NFIA: variants seen among roughly 807,000 people sequenced by gnomAD.
NFIA encodes nuclear factor 1 A-type.
In NFIA, 8 loss-of-function variants were observed where a neutral mutation model predicts 62.8. That is an observed-to-expected ratio of 0.13 (90% CI 0.07 to 0.23). NFIA has a LOEUF of 0.23. NFIA is among the 10% of genes least tolerant of loss of function. NFIA has a pLI of 1.00. For missense variants in NFIA, 410 were observed against 642.1 expected, an observed-to-expected ratio of 0.64 and a Z score of 3.91; for synonymous variants, 235 against 238.1, an observed-to-expected ratio of 0.99 and a Z score of 0.12.
rs144064639 is a variant in NFIA at position 61,418,256 on chromosome 1, G to T, written c.1421-8209G>T. Among the ~76,000 whole-genome samples, 665 of 152,092 alleles carry T rather than the reference G, an allele frequency of 4.4e-3. 2 individuals are homozygous for T. The highest frequency in any genetic ancestry group is 0.015 in the African/African-American group (641 of 41,494). On this transcript the variant is annotated intron_variant, in intron 9 of 10. Transcript: ENST00000403491. ...AGACAGGAAGATGGCTTGAGCCCAGGAGTTCAAGACCAGCCTGGGCAACAT... is the reference window on the plus strand; with the variant it reads ...AGACAGGAAGATGGCTTGAGCCCAGTAGTTCAAGACCAGCCTGGGCAACAT...
intron 2 of NFIA, among the ~76,000 whole-genome samples, chr1:61,255,013 G>A (rs1368357918): frequency 6.6e-6 from 1 of 152,142 alleles, no homozygotes; most frequent in African/African-American, 2.4e-5. Context: ...CACTGGCTTA[G>A]CGATCTGAAA....
At chr1:61,196,870 T>C (rs145248961) in intron 2 of NFIA, among the ~76,000 whole-genome samples, 104 of 151,760 alleles carry the variant, frequency 6.9e-4, no homozygotes, top group African/African-American at 2.4e-3. Context: ...AAAGTCTATA[T>C]AGGTCACACT....
chr1:61,354,412 C>T (rs1002747997), intron 5 of NFIA, among the ~76,000 whole-genome samples: 1 of 152,186 alleles, frequency 6.6e-6, no homozygotes, highest in Non-Finnish European at 1.5e-5. Flanking sequence ...ATCAATATGT[C>T]TTCCTGCTGT....
intron 2 of NFIA, among the ~76,000 whole-genome samples, chr1:61,093,461 T>C (rs1156600737): frequency 6.6e-6 from 1 of 152,198 alleles, no homozygotes; most frequent in Non-Finnish European, 1.5e-5. Context: ...ATTTTTTGGC[T>C]GATCAAGCTA....
At chr1:61,250,561 C>A (rs1346172538) in intron 2 of NFIA, among the ~76,000 whole-genome samples, 3 of 152,030 alleles carry the variant, frequency 2.0e-5, no homozygotes, top group African/African-American at 7.2e-5. Flanking sequence ...TTAAGATGAC[C>A]AGACAAAAAT....
intron 7 of NFIA, among the ~76,000 whole-genome samples, chr1:61,394,597 C>G (rs982392120): frequency 1.3e-5 from 2 of 152,170 alleles, no homozygotes; most frequent in Admixed American, 6.5e-5. Flanking sequence ...GAGTCAAGCT[C>G]ATTTTGTAGT....
chr1:61,381,332 G>A (rs1348971485), intron 6 of NFIA, among the ~76,000 whole-genome samples: 1 of 151,980 alleles, frequency 6.6e-6, no homozygotes, highest in Non-Finnish European at 1.5e-5. Context: ...CTCCTCCTTA[G>A]TGGAATTACA....
At chr1:61,253,761 T>C (rs1037551675) in intron 2 of NFIA, among the ~76,000 whole-genome samples, 1 of 152,212 alleles carries the variant, frequency 6.6e-6, no homozygotes, top group Non-Finnish European at 1.5e-5. Flanking sequence ...TATGTTAGAA[T>C]GACCACGTCT....
At chr1:61,400,920 CAAAGTT>C (rs1665527502) in intron 7 of NFIA, among the ~76,000 whole-genome samples, 1 of 152,178 alleles carries the variant, frequency 6.6e-6, no homozygotes, top group Non-Finnish European at 1.5e-5. Context: ...AGAAGAGAAA[CAAAGTT>C]AGGCAGGCAT....
rs113508048 is a variant in NFIA at position 61,176,641 on chromosome 1, A to G, written c.559+87961A>G. Among the ~76,000 whole-genome samples the G allele has an allele frequency of 2.2e-3, 342 of 152,182 alleles. 2 individuals are homozygous for G. The highest frequency in any genetic ancestry group is 7.9e-3 in the African/African-American group (330 of 41,528). On this transcript the variant is annotated intron_variant, in intron 2 of 10. Transcript: ENST00000403491. ...AAGTTTAGAAAATTTGGAAAAAGAA[A>G]AACTACATAGATGAATACTACAGTT...
At chr1:61,321,717 T>C (rs1247854519) in intron 3 of NFIA, among the ~76,000 whole-genome samples, 2 of 152,134 alleles carry the variant, frequency 1.3e-5, no homozygotes, top group African/African-American at 2.4e-5. Context: ...AGATGAACTT[T>C]AAGGTCCCTT....
Position 61,383,270 on chromosome 1 carries a change from A to G in NFIA, c.980A>G (p.Glu327Gly). Residue 327 changes from glutamate to glycine, a missense_variant, in exon 7 of 11, where the codon GAG becomes GGG. Glu to Gly is a moderately conservative substitution (Grantham distance 98). Coordinates refer to ENST00000403491, the MANE Select transcript of NFIA (RefSeq NM_001134673.4). ...MPSPTTLKKS[E>G]KSGFSSPSPS... ...TCTCCAACCACACTGAAGAAGTCGG[A>G]GAAGTCTGGTTTCAGCAGCCCCTCC... The G allele has an allele frequency of 1.2e-6, 2 of 1,614,038 alleles. No individual in the cohort carries two copies. The highest frequency in any genetic ancestry group is 1.7e-6 in the Non-Finnish European group (2 of 1,179,934).
chr1:61,432,622 C>CGT (rs1553120943), intron 10 of NFIA, among the ~76,000 whole-genome samples: 12 of 43,892 alleles, frequency 2.7e-4, no homozygotes, highest in Middle Eastern at 0.01. Flanking sequence ...CACACACACA[C>CGT]ACGTACACAC....
intron 2 of NFIA, among the ~76,000 whole-genome samples, chr1:61,225,792 G>C (rs571370590): frequency 2.6e-5 from 4 of 152,108 alleles, no homozygotes; most frequent in African/African-American, 9.6e-5. Flanking sequence ...ATTTATTTCA[G>C]TGTTTGAGCT....
At chr1:61,086,072 G>C (rs897075776) in intron 1 of NFIA, among the ~76,000 whole-genome samples, 6 of 152,160 alleles carry the variant, frequency 3.9e-5, no homozygotes, top group African/African-American at 1.4e-4. Context: ...TGAATCGTTT[G>C]GAGCTAAGTT....
intron 9 of NFIA, among the ~76,000 whole-genome samples, chr1:61,420,154 A>G (rs976511921): frequency 1.1e-4 from 16 of 152,300 alleles, no homozygotes; most frequent in African/African-American, 3.6e-4. Context: ...TAATAATATT[A>G]CTAATACTAA....
chr1:61,316,756 A>C (rs1660386595), intron 3 of NFIA, among the ~76,000 whole-genome samples: 1 of 152,188 alleles, frequency 6.6e-6, no homozygotes, highest in African/African-American at 2.4e-5. Flanking sequence ...TCAATGATCA[A>C]AGTCAGTCAA....
chr1:61,365,021 C>CA (rs907598621), intron 6 of NFIA, among the ~76,000 whole-genome samples: 11 of 151,756 alleles, frequency 7.2e-5, no homozygotes, highest in South Asian at 4.2e-4. Context: ...CCTGTCTCTA[C>CA]AAAAAAAAAT....
chr1:61,145,868 C>A (rs554785069), intron 2 of NFIA, among the ~76,000 whole-genome samples: 55 of 152,282 alleles, frequency 3.6e-4, no homozygotes, highest in African/African-American at 1.2e-3. Context: ...TTTGTGGGGT[C>A]AAGTCACTGC....
Sources: allele counts gnomAD v4.1 joint callset (sites outside exome capture counted in the v4.1 genomes callset), GRCh38; gene constraint gnomAD v4.1.1; transcripts MANE v1.5; gene names NCBI Gene and HGNC (gene_info 2026-07-23, HGNC 2026-07-21).